The following ERG variants were observed in gnomAD, a reference collection of about 807,000 sequenced individuals.
ERG encodes the protein transcriptional regulator ERG.
ERG carries 9 observed loss-of-function variants against 55.3 expected under a neutral mutation model. The ratio of observed to expected loss-of-function variants is 0.16; its 90% CI spans 0.10 to 0.28. ERG has a LOEUF of 0.28. Among genes scored for constraint, ERG ranks in the 10% least tolerant of loss-of-function variants. The probability of loss-of-function intolerance (pLI) is 1.00; values close to 1 mark genes in which losing one functional copy is unlikely to be tolerated. For missense variants in ERG, 434 were observed against 631.6 expected, an observed-to-expected ratio of 0.69 and a Z score of 3.35; for synonymous variants, 223 against 237.3, an observed-to-expected ratio of 0.94 and a Z score of 0.55.
chr21:38,553,537 A>G (rs1321718014), intron 2 of ERG, among the ~76,000 whole-genome samples: 1 of 152,210 alleles, frequency 6.6e-6, no homozygotes, highest in Non-Finnish European at 1.5e-5. Flanking sequence ...TCACACATCT[A>G]TAGTCATCTA....
chr21:38,471,640 T>A (rs1255858603), intron 1 of ERG: 1 of 148,578 alleles, frequency 6.7e-6, no homozygotes, highest in Non-Finnish European at 1.5e-5. Context: ...GACCAAACTA[T>A]AATTAGTCTT....
At chr21:38,517,294 A>G (rs2059559258) in intron 2 of ERG, among the ~76,000 whole-genome samples, 1 of 152,128 alleles carries the variant, frequency 6.6e-6, no homozygotes, top group Non-Finnish European at 1.5e-5. Context: ...AAAGTGGGCA[A>G]AGAACGTCAA....
intron 1 of ERG, chr21:38,451,138 G>T: frequency 2.1e-6 from 1 of 485,914 alleles, no homozygotes; most frequent in Non-Finnish European, 4.1e-6. Context: ...GAGAGAGAGA[G>T]GCTGGTAGAG....
intron 1 of ERG, among the ~76,000 whole-genome samples, chr21:38,624,621 G>C (rs985659652): frequency 6.6e-6 from 1 of 152,172 alleles, no homozygotes; most frequent in South Asian, 2.1e-4. Flanking sequence ...AAAAGGTTCT[G>C]TGATGGGACG....
intron 2 of ERG, among the ~76,000 whole-genome samples, chr21:38,570,932 ATTAG>A (rs1289603682): frequency 2.6e-5 from 4 of 152,338 alleles, no homozygotes; most frequent in East Asian, 1.9e-4. Flanking sequence ...AACAAAGGCA[ATTAG>A]TTAGTCCTCT....
chr21:38,409,590 A>G (rs980857127), intron 3 of ERG, among the ~76,000 whole-genome samples: 17 of 151,842 alleles, frequency 1.1e-4, no homozygotes, highest in African/African-American at 3.9e-4. Context: ...TTACCAGGAG[A>G]GTGAACTTGG....
At chr21:38,439,904 C>A (rs1363950720) in intron 2 of ERG, among the ~76,000 whole-genome samples, 1 of 152,132 alleles carries the variant, frequency 6.6e-6, no homozygotes, top group South Asian at 2.1e-4. Context: ...GCCTTTTTCT[C>A]CGTGGGTACT....
intron 1 of ERG, among the ~76,000 whole-genome samples, chr21:38,638,658 G>A (rs1439148669): frequency 6.6e-6 from 1 of 152,210 alleles, no homozygotes; most frequent in African/African-American, 2.4e-5. Context: ...GATGGGGGGA[G>A]TCAGTAAAGG....
Position 38,624,366 on chromosome 21 carries a change from C to T in ERG, c.-150+37292G>A, listed in dbSNP as rs944066351. Among the ~76,000 whole-genome samples the T allele has an allele frequency of 7.2e-5, 11 of 152,104 alleles. No individual in the cohort carries two copies. In the East Asian group the frequency reaches 1.3e-3, roughly 19 times the overall value. ...CATGCAGGGCTTAAAACCGAGATGACGGGGTGATAGGTACAGCAAACCACC... is the reference window on the plus strand; with the variant it reads ...CATGCAGGGCTTAAAACCGAGATGATGGGGTGATAGGTACAGCAAACCACC... On this transcript the variant is annotated intron_variant, in intron 1 of 10. Coordinates refer to the ERG transcript ENST00000398910.
At chr21:38,655,674 T>C (rs916622362) in intron 1 of ERG, among the ~76,000 whole-genome samples, 1 of 152,022 alleles carries the variant, frequency 6.6e-6, no homozygotes, top group African/African-American at 2.4e-5. Context: ...GAGGCTTGAG[T>C]GTGGATTTTT....
chr21:38,561,342 G>T (rs2059891573), intron 2 of ERG, among the ~76,000 whole-genome samples: 1 of 151,988 alleles, frequency 6.6e-6, no homozygotes, highest in Non-Finnish European at 1.5e-5. Context: ...AGGACATTGT[G>T]CCCTGAAGGT....
chr21:38,501,222 C>A (rs1304038220), upstream of ERG, among the ~76,000 whole-genome samples: 1 of 151,846 alleles, frequency 6.6e-6, no homozygotes, highest in African/African-American at 2.4e-5. Flanking sequence ...CCCGCCACCA[C>A]ACCTGGCTAA....
intron 1 of ERG, among the ~76,000 whole-genome samples, chr21:38,452,751 C>T (rs559994566): frequency 3.9e-5 from 6 of 152,358 alleles, no homozygotes; most frequent in Admixed American, 3.9e-4. Context: ...CCCTCCATGT[C>T]CTTCAGCCAA....
chr21:38,623,322 CACA>C (rs1476319963), intron 1 of ERG, among the ~76,000 whole-genome samples: 2 of 23,534 alleles, frequency 8.5e-5, no homozygotes, highest in African/African-American at 3.0e-4. Context: ...ACATACGCAC[CACA>C]CACACACACA....
the ERG span, among the ~76,000 whole-genome samples, chr21:38,371,787 C>G: frequency 6.6e-6 from 1 of 151,982 alleles, no homozygotes. Context: ...ATTTTTGCAT[C>G]TTGCATTCAT....
intron 3 of ERG, among the ~76,000 whole-genome samples, chr21:38,414,832 A>G (rs1360055784): frequency 6.7e-6 from 1 of 149,424 alleles, no homozygotes; most frequent in Non-Finnish European, 1.5e-5. Flanking sequence ...TTTTTTTTGT[A>G]TATTCATTAA....
At chr21:38,399,021 C>T (rs115985176) in intron 6 of ERG, among the ~76,000 whole-genome samples, 1 of 152,220 alleles carries the variant, frequency 6.6e-6, no homozygotes, top group Non-Finnish European at 1.5e-5. Flanking sequence ...CACAGAATTA[C>T]AAAATCTCTA....
At chr21:38,461,071 T>C (rs374063529) in intron 1 of ERG, among the ~76,000 whole-genome samples, 3 of 152,224 alleles carry the variant, frequency 2.0e-5, no homozygotes, top group African/African-American at 4.8e-5. Context: ...ATACATAGTC[T>C]GTGTATTCAT....
chr21:38,550,453 G>T (rs2059817058), intron 2 of ERG, among the ~76,000 whole-genome samples: 1 of 152,192 alleles, frequency 6.6e-6, no homozygotes, highest in Non-Finnish European at 1.5e-5. Context: ...AGGTGACTAG[G>T]TCATAAGGAT....
Sources: gnomAD v4.1 joint callset for allele counts (sites outside exome capture counted in the v4.1 genomes callset) on GRCh38, gnomAD v4.1.1 for gene constraint, MANE v1.5 for transcripts, NCBI Gene and HGNC (gene_info 2026-07-23, HGNC 2026-07-21) for gene names.